The following ERMP1 variants were observed in gnomAD, a reference collection of about 807,000 sequenced individuals.
The protein encoded by ERMP1 is endoplasmic reticulum metallopeptidase 1.
Under a neutral mutation model 92.0 loss-of-function variants are expected in ERMP1, and 86 were observed. The ratio of observed to expected loss-of-function variants is 0.93; its 90% CI spans 0.79 to 1.12. The LOEUF is 1.12. Among genes scored for constraint, ERMP1 ranks in the 50% most tolerant of loss-of-function variants. The probability of loss-of-function intolerance (pLI) is 0.00; values close to 1 mark genes in which losing one functional copy is unlikely to be tolerated. For synonymous variants in ERMP1, 530 were observed against 412.8 expected (o/e 1.28, Z -3.44); for missense variants, 1,342 against 1,116.3 (o/e 1.20, Z -2.88).
intron 2 of ERMP1, among the ~76,000 whole-genome samples, chr9:5,828,678 G>T (rs1187598711): frequency 6.6e-6 from 1 of 152,170 alleles, no homozygotes; most frequent in Non-Finnish European, 1.5e-5. Context: ...TATCTCCCAT[G>T]TACATGAAGT....
At chr9:5,844,168 T>C (rs1213156979) in intron 6 of ERMP1, among the ~76,000 whole-genome samples, 2 of 152,208 alleles carry the variant, frequency 1.3e-5, no homozygotes, top group Non-Finnish European at 2.9e-5. Context: ...TCCTACATCC[T>C]GAGACTTCCT....
intron 6 of ERMP1, among the ~76,000 whole-genome samples, chr9:5,858,058 G>T (rs1029718941): frequency 6.6e-6 from 1 of 152,184 alleles, no homozygotes; most frequent in Non-Finnish European, 1.5e-5. Flanking sequence ...GCAGAAGAAA[G>T]GGAAGTGGTT....
intron 2 of ERMP1, among the ~76,000 whole-genome samples, chr9:5,830,054 G>C (rs765579887): frequency 6.6e-6 from 1 of 152,194 alleles, no homozygotes; most frequent in Admixed American, 6.5e-5. Flanking sequence ...TACTTTAACA[G>C]TATGGCACCC....
At chr9:5,866,732 G>A (rs977844141) in intron 5 of ERMP1, among the ~76,000 whole-genome samples, 2 of 152,270 alleles carry the variant, frequency 1.3e-5, no homozygotes, top group East Asian at 1.9e-4. Context: ...TCTGAGTGGC[G>A]ATGAGAGGGT....
intron 4 of ERMP1, 104 bp downstream of exon 4, chr9:5,823,792 C>T: frequency 1.3e-6 from 1 of 793,738 alleles, no homozygotes; most frequent in African/African-American, 1.7e-5. Context: ...AAAGAATGCT[C>T]ATTCAAGAGA....
intron 9 of ERMP1, 86 bp from the exon 10 acceptor site, chr9:5,805,303 C>A: frequency 9.7e-7 from 1 of 1,036,086 alleles, no homozygotes; most frequent in South Asian, 1.7e-5. Context: ...CCTTGGTACC[C>A]TAACAGAAAT....
chr9:5,810,724 C>A (rs1829059703), intron 7 of ERMP1, among the ~76,000 whole-genome samples: 1 of 152,074 alleles, frequency 6.6e-6, no homozygotes, highest in Non-Finnish European at 1.5e-5. Context: ...TGAAACATTT[C>A]AAGCAGAAAT....
At chr9:5,844,899 C>T (rs1830216554) in intron 6 of ERMP1, among the ~76,000 whole-genome samples, 1 of 152,160 alleles carries the variant, frequency 6.6e-6, no homozygotes, top group Non-Finnish European at 1.5e-5. Flanking sequence ...AACTGGTCTA[C>T]CAAAAATTAT....
chr9:5,817,225 T>A (rs1013118442), intron 4 of ERMP1, among the ~76,000 whole-genome samples: 1 of 148,872 alleles, frequency 6.7e-6, no homozygotes, highest in African/African-American at 2.5e-5. Flanking sequence ...TCTCTCGCTC[T>A]GTCGTCCAGG....
At chr9:5,854,109 G>A (rs551578938) in intron 6 of ERMP1, among the ~76,000 whole-genome samples, 29 of 151,814 alleles carry the variant, frequency 1.9e-4, no homozygotes, top group Non-Finnish European at 3.4e-4. Context: ...AGGGGTTTGG[G>A]CTCCCCACTC....
At chr9:5,805,982 A>G (rs1828856472) in intron 8 of ERMP1, among the ~76,000 whole-genome samples, 197 bp from the exon 9 acceptor site, 1 of 152,246 alleles carries the variant, frequency 6.6e-6, no homozygotes, top group South Asian at 2.1e-4. Flanking sequence ...ATGTAGCACA[A>G]GAAAGGGCAT....
chr9:5,812,291 A>G, intron 5 of ERMP1, 74 bp from the exon 6 acceptor site: 2 of 827,422 alleles, frequency 2.4e-6, no homozygotes, highest in Non-Finnish European at 3.8e-6. Context: ...TATTTCTTTA[A>G]TAAATTCCTA....
upstream of ERMP1, among the ~76,000 whole-genome samples, chr9:5,835,359 C>CGCGCGT (rs1563776923): frequency 6.7e-6 from 1 of 149,808 alleles, no homozygotes; most frequent in South Asian, 2.1e-4. Context: ...AACGCGCGCG[C>CGCGCGT]GCATGTGTGT....
upstream of ERMP1, among the ~76,000 whole-genome samples, chr9:5,835,546 G>A (rs1830086013): frequency 6.6e-6 from 1 of 152,196 alleles, no homozygotes; most frequent in Non-Finnish European, 1.5e-5. Context: ...TAAGCCTGGG[G>A]AGAGAATGTT....
chr9:5,831,995 T>C (rs1369384846), intron 1 of ERMP1, among the ~76,000 whole-genome samples: 1 of 152,088 alleles, frequency 6.6e-6, no homozygotes, highest in Non-Finnish European at 1.5e-5. Context: ...TGTTGAAAAC[T>C]TGACGCCAGC....
At chr9:5,832,257 G>C (rs917471523) in intron 1 of ERMP1, among the ~76,000 whole-genome samples, 4 of 152,112 alleles carry the variant, frequency 2.6e-5, no homozygotes, top group South Asian at 2.1e-4. Context: ...CAGAAAGTTA[G>C]AACAGTGCAC....
In ERMP1 at chr9:5,805,483, G is replaced by A. The variant is rs553095856; in HGVS notation, c.1723+128C>T. On this transcript the variant is annotated intron_variant, in intron 9 of 14. Transcript: ENST00000339450. Reference sequence around the variant, plus strand: ...TATAAGGCATAAGATAATTTGTGTGGTATGAAAACTTTTAAAAACTAACAA... The same window carrying A: ...TATAAGGCATAAGATAATTTGTGTGATATGAAAACTTTTAAAAACTAACAA... 261 of 749,500 alleles carry A rather than the reference G, an allele frequency of 3.5e-4. No individual in the cohort carries two copies. In the African/African-American group the frequency reaches 4.6e-3, roughly 13 times the overall value. 46.4% of individuals were successfully genotyped at this position (749,500 alleles called of 1,614,324 possible).
Position 5,858,633 on chromosome 9 carries a change from T to C in ERMP1, n.3199+835A>G, listed in dbSNP as rs566140027. Among the ~76,000 whole-genome samples the C allele has an allele frequency of 7.2e-5, 11 of 152,290 alleles. No homozygotes were observed. In the South Asian group the frequency reaches 8.3e-4, roughly 11 times the overall value. ...GAGTCAGAGTGGTAAAGAGAAGTTC[T>C]CCAAAGAGAGACTCAAAAGCTTAAG... is the stretch of plus-strand genomic sequence containing the variant. On this transcript the variant is annotated intron_variant and non_coding_transcript_variant, in intron 6 of 6. Transcript: ENST00000690753.
At chr9:5,806,815 G>A (rs993131859) in intron 8 of ERMP1, among the ~76,000 whole-genome samples, 2 of 152,096 alleles carry the variant, frequency 1.3e-5, no homozygotes, top group Non-Finnish European at 2.9e-5. Flanking sequence ...TAATTACGGT[G>A]CATAAATACA....
Sources: allele counts gnomAD v4.1 joint callset (sites outside exome capture counted in the v4.1 genomes callset), GRCh38; gene constraint gnomAD v4.1.1; transcripts MANE v1.5; gene names NCBI Gene and HGNC (gene_info 2026-07-23, HGNC 2026-07-21).